Variants in UNC5D observed in about 807,000 individuals in gnomAD.
UNC5D encodes unc-5 netrin receptor D.
In UNC5D, 39 loss-of-function variants were observed where a neutral mutation model predicts 105.4. That is an observed-to-expected ratio of 0.37 (90% CI 0.29 to 0.48). The LOEUF (loss-of-function observed/expected upper bound fraction) is 0.48, where lower values mean the gene tolerates loss of function less well. Among genes scored for constraint, UNC5D ranks in the 20% least tolerant of loss-of-function variants. UNC5D has a pLI of 0.98. For missense variants in UNC5D, 991 were observed against 1,202.4 expected (o/e 0.82, Z 2.60); for synonymous variants, 452 against 450.4 (o/e 1.00, Z -0.04).
intron 1 of UNC5D, among the ~76,000 whole-genome samples, chr8:35,430,181 G>A (rs1806531248): frequency 6.6e-6 from 1 of 152,036 alleles, no homozygotes; most frequent in South Asian, 2.1e-4. Context: ...GAGGAGAGAG[G>A]AGCTTCTCCT....
intron 8 of UNC5D, among the ~76,000 whole-genome samples, chr8:35,718,382 C>T (rs946338865): frequency 2.0e-5 from 3 of 152,004 alleles, no homozygotes; most frequent in African/African-American, 7.3e-5. Context: ...CTTGAGAGAC[C>T]GGATAGGTAT....
chr8:35,489,009 ATT>A (rs1319148906), intron 1 of UNC5D, among the ~76,000 whole-genome samples: 3 of 143,244 alleles, frequency 2.1e-5, no homozygotes, highest in African/African-American at 2.5e-5. Flanking sequence ...TCTCCCCCCA[ATT>A]TTTTTTTTTT....
intron 11 of UNC5D, among the ~76,000 whole-genome samples, chr8:35,742,540 G>A (rs1342923519): frequency 6.6e-6 from 1 of 152,032 alleles, no homozygotes; most frequent in Non-Finnish European, 1.5e-5. Flanking sequence ...CCTGGGTAAA[G>A]GTGATCAAAC....
At chr8:35,673,237 A>C (rs570472299) in intron 4 of UNC5D, among the ~76,000 whole-genome samples, 1 of 152,308 alleles carries the variant, frequency 6.6e-6, no homozygotes, top group African/African-American at 2.4e-5. Context: ...AACTTGAAAG[A>C]AATATTATCA....
intron 1 of UNC5D, among the ~76,000 whole-genome samples, chr8:35,271,691 G>GTATATAA (rs1199885236): frequency 1.9e-5 from 1 of 52,584 alleles, no homozygotes; most frequent in African/African-American, 7.4e-5. Flanking sequence ...ATGTATACAT[G>GTATATAA]TATACATGTA....
chr8:35,548,086 AC>A (rs1815832072), intron 1 of UNC5D, among the ~76,000 whole-genome samples: 1 of 152,112 alleles, frequency 6.6e-6, no homozygotes, highest in Non-Finnish European at 1.5e-5. Context: ...ATTAGATGGT[AC>A]CCACCTGGAT....
chr8:35,576,835 G>T (rs1036577713), intron 3 of UNC5D, among the ~76,000 whole-genome samples: 4 of 152,028 alleles, frequency 2.6e-5, no homozygotes, highest in African/African-American at 9.7e-5. Context: ...GGATGGTCTC[G>T]ATCTCCTGAC....
At chr8:35,280,198 G>T (rs1254364304) in intron 1 of UNC5D, among the ~76,000 whole-genome samples, 1 of 152,048 alleles carries the variant, frequency 6.6e-6, no homozygotes, top group Non-Finnish European at 1.5e-5. Flanking sequence ...GTTTTACCTT[G>T]TTGGTCTGGC....
intron 1 of UNC5D, among the ~76,000 whole-genome samples, chr8:35,284,364 A>G (rs1398799666): frequency 2.0e-5 from 3 of 152,200 alleles, no homozygotes; most frequent in Non-Finnish European, 2.9e-5. Context: ...AATGACAAAA[A>G]TATTACCTTC....
Position 35,684,758 on chromosome 8 carries a change from T to A in UNC5D, c.919+9T>A. On this transcript the variant is annotated intron_variant, in intron 6 of 16. Transcript: ENST00000404895. ...CACTTCTCTTTGTCCTGGTGAGATA[T>A]ATGCAGATTCCCTTTTCCCTTCTGA... 6.2e-7 allele frequency: 1 copy of A among 1,603,292 alleles called. No homozygotes were observed. Among genetic ancestry groups the A allele is most frequent in the African/African-American group, 1.3e-5 (1 of 74,682 alleles).
intron 4 of UNC5D, among the ~76,000 whole-genome samples, chr8:35,668,034 C>T (rs761778353): frequency 5.3e-5 from 8 of 152,066 alleles, no homozygotes; most frequent in East Asian, 1.9e-4. Context: ...TTGTTCTACA[C>T]AAGGAATGTA....
Position 35,790,630 on chromosome 8 carries a change from C to T in UNC5D, c.*67C>T, listed in dbSNP as rs1208682970. 3.2e-6 allele frequency: 5 copies of T among 1,556,622 alleles called. No homozygotes were observed. The highest frequency in any genetic ancestry group is 1.1e-5 in the South Asian group (1 of 88,510). ...ACATTTGCTTTAAATGGGAAAGAGG[C>T]CGCTTTCTGCCCAGTGGCGTTGGGG... On this transcript the variant is annotated 3_prime_UTR_variant, in exon 17 of 17. Coordinates refer to ENST00000404895, the MANE Select transcript of UNC5D (RefSeq NM_080872.4).
At position 35,568,102 on chromosome 8, in the gene UNC5D, G is replaced by C. The variant is rs756664091; in HGVS notation, c.327G>C (p.Leu109Phe). The C allele has an allele frequency of 4.3e-6, 7 of 1,613,948 alleles. No individual in the cohort carries two copies. The highest frequency in any genetic ancestry group is 5.9e-6 in the Non-Finnish European group (7 of 1,179,980). Residue 109 changes from leucine to phenylalanine, a missense_variant, in exon 3 of 17, where the codon TTG becomes TTC. Physicochemically the swap from Leu to Phe is conservative, Grantham distance 22. Coordinates refer to ENST00000404895, the MANE Select transcript of UNC5D (RefSeq NM_080872.4). ...SEETLDESSG[L>F]KVREVFINVT... ...TCTTATCTCTCCCACCATCAGGTTT[G>C]AAGGTCCGCGAAGTGTTCATCAATG...
At chr8:35,598,144 C>A (rs745540768) in intron 4 of UNC5D, among the ~76,000 whole-genome samples, 2 of 152,142 alleles carry the variant, frequency 1.3e-5, no homozygotes, top group Non-Finnish European at 2.9e-5. Flanking sequence ...GTACACTCTG[C>A]AAATGTTGCA....
At chr8:35,262,833 A>G (rs1804582662) in intron 1 of UNC5D, among the ~76,000 whole-genome samples, 1 of 152,222 alleles carries the variant, frequency 6.6e-6, no homozygotes, top group Non-Finnish European at 1.5e-5. Flanking sequence ...ATCCTGTGAT[A>G]CTAAATACTA....
At chr8:35,683,860 C>A in intron 5 of UNC5D, 133 bp downstream of exon 5, 1 of 831,524 alleles carries the variant, frequency 1.2e-6, no homozygotes, top group Non-Finnish European at 1.6e-6. Flanking sequence ...CTCTATCCTG[C>A]CTCCCTCGTC....
chr8:35,400,723 C>A (rs1179041962), intron 1 of UNC5D, among the ~76,000 whole-genome samples: 1 of 152,166 alleles, frequency 6.6e-6, no homozygotes, highest in Non-Finnish European at 1.5e-5. Flanking sequence ...CCACTCCTGT[C>A]CTCATCTCCC....
At chr8:35,428,087 A>G (rs1402324491) in intron 1 of UNC5D, among the ~76,000 whole-genome samples, 1 of 152,162 alleles carries the variant, frequency 6.6e-6, no homozygotes, top group Admixed American at 6.5e-5. Flanking sequence ...TCTCAAAGTT[A>G]AGAGCAAGGT....
At chr8:35,241,017 C>T (rs552691190) in intron 1 of UNC5D, among the ~76,000 whole-genome samples, 18 of 152,208 alleles carry the variant, frequency 1.2e-4, no homozygotes, top group South Asian at 6.2e-4. Flanking sequence ...GCAGATCCCA[C>T]GAGACTATTT....
Sources: allele counts gnomAD v4.1 joint callset (sites outside exome capture counted in the v4.1 genomes callset), GRCh38; gene constraint gnomAD v4.1.1; transcripts MANE v1.5; gene names NCBI Gene and HGNC (gene_info 2026-07-23, HGNC 2026-07-21).